PSMD5: variants seen among roughly 807,000 people sequenced by gnomAD.
The protein encoded by PSMD5 is 26S proteasome non-ATPase regulatory subunit 5.
Under a neutral mutation model 52.1 loss-of-function variants are expected in PSMD5, and 40 were observed. The ratio of observed to expected loss-of-function variants is 0.77; its 90% CI spans 0.60 to 1.00. PSMD5 has a LOEUF of 1.00. Ranked by LOEUF, PSMD5 falls within the 50% of genes least tolerant of loss-of-function variation. The probability of loss-of-function intolerance (pLI) is 0.00; values close to 1 mark genes in which losing one functional copy is unlikely to be tolerated. For synonymous variants in PSMD5, 211 were observed against 226.6 expected (o/e 0.93, Z 0.62); for missense variants, 575 against 605.2 (o/e 0.95, Z 0.52).
chr9:120,824,680 C>T lies in PSMD5; in HGVS notation c.820G>A (p.Val274Met), dbSNP rs149552567. ...PFSSFYLPGF[V>M]KFFGNLAVMD... Reference sequence around the variant, plus strand: ...ACAGCCAGGTTTCCAAAAAACTTCACGAATCCTAAAGAGATTTACAAAAAT... The same window carrying T: ...ACAGCCAGGTTTCCAAAAAACTTCATGAATCCTAAAGAGATTTACAAAAAT... The change falls in exon 7 of 10, where the codon GTG (valine) becomes ATG (methionine). Residue 274 changes from valine (V) to methionine (M), a missense_variant. Transcript: ENST00000210313. 1.8e-5 allele frequency: 29 copies of T among 1,597,438 alleles called. No homozygotes were observed. The highest frequency in any genetic ancestry group is 1.6e-4 in the African/African-American group (12 of 73,816).
At chr9:120,834,559 C>A (rs918289528) in intron 1 of PSMD5, among the ~76,000 whole-genome samples, 2 of 152,090 alleles carry the variant, frequency 1.3e-5, no homozygotes, top group Admixed American at 1.3e-4. Context: ...TTTCAAGGAA[C>A]AAGTAGTTTG....
In PSMD5 at chr9:120,816,690, G is replaced by A. The variant is rs576189601; in HGVS notation, c.*1216C>T. On this transcript the variant is annotated 3_prime_UTR_variant, in exon 10 of 10. Coordinates refer to ENST00000210313, the MANE Select transcript of PSMD5 (RefSeq NM_005047.4). ...CATAAACCTCTGAACAGGTGATTTG[G>A]TGTGCAGAGTGCTTTGGCTTTGCTG... is the stretch of plus-strand genomic sequence containing the variant. 2.0e-5 allele frequency: 3 copies of A among 152,228 alleles called. No homozygotes were observed. Among genetic ancestry groups the A allele is most frequent in the Admixed American group, 1.3e-4 (2 of 15,276 alleles). 9.4% of individuals were successfully genotyped at this position (152,228 alleles called of 1,614,324 possible).
chr9:120,842,046 T>C (rs1588074711), intron 1 of PSMD5: 1 of 152,412 alleles, frequency 6.6e-6, no homozygotes, highest in Non-Finnish European at 1.5e-5. Context: ...ACTGCGGACA[T>C]ACCCAGGAAC....
chr9:120,822,909 G>A (rs2045095779), intron 7 of PSMD5, among the ~76,000 whole-genome samples: 1 of 151,854 alleles, frequency 6.6e-6, no homozygotes, highest in African/African-American at 2.4e-5. Context: ...GCTCACTACA[G>A]CCTTCACCTC....
chr9:120,832,370 A>G (rs892130578), intron 2 of PSMD5, among the ~76,000 whole-genome samples: 15 of 149,166 alleles, frequency 1.0e-4, no homozygotes, highest in African/African-American at 1.7e-4. Context: ...GAATAAACTG[A>G]TATCTTCCCC....
At chr9:120,833,246 TCTGTCCCAGTGCAGAAC>T in intron 2 of PSMD5, 49 bp downstream of exon 2, 1 of 1,520,406 alleles carries the variant, frequency 6.6e-7, no homozygotes, top group Non-Finnish European at 9.0e-7. Flanking sequence ...TCTTCATCTT[TCTGTCCCAGTGCAGAAC>T]CTGGCCCAGA....
intron 9 of PSMD5, among the ~76,000 whole-genome samples, chr9:120,819,710 G>A (rs1375544309): frequency 2.6e-5 from 4 of 152,166 alleles, no homozygotes; most frequent in African/African-American, 7.2e-5. Context: ...GGTGGTGGGC[G>A]CCCGTAGGCT....
chr9:120,826,137 G>A lies in PSMD5; in HGVS notation c.814+628C>T, dbSNP rs541652822. On this transcript the variant is annotated intron_variant, in intron 6 of 9. Transcript: ENST00000210313. ...AGCCTCCTGAGTAGCTGGGACTACC[G>A]GCACCCACCACCATGCCCGGCTAAT... 2.6e-5 allele frequency among the ~76,000 whole-genome samples: 4 copies of A among 151,982 alleles called. No homozygotes were observed. In the South Asian group the frequency reaches 6.3e-4, roughly 24 times the overall value.
intron 6 of PSMD5, 93 bp downstream of exon 6, chr9:120,826,671 TC>T: frequency 7.1e-7 from 1 of 1,406,838 alleles, no homozygotes; most frequent in Non-Finnish European, 9.6e-7. Flanking sequence ...AGGAAAACAA[TC>T]CCTGTCCACT....
intron 9 of PSMD5, 78 bp downstream of exon 9, chr9:120,820,761 C>G: frequency 1.4e-6 from 2 of 1,395,018 alleles, no homozygotes; most frequent in Non-Finnish European, 1.9e-6. Context: ...AGAGATGGCA[C>G]AGGCTCTGGC....
chr9:120,835,767 G>A (rs1205915994), intron 1 of PSMD5, among the ~76,000 whole-genome samples: 1 of 151,882 alleles, frequency 6.6e-6, no homozygotes, highest in Admixed American at 6.6e-5. Flanking sequence ...TAGATTCCTG[G>A]TTGCCAGAGG....
chr9:120,821,452 T>G lies in PSMD5; in HGVS notation c.1019A>C (p.Glu340Ala), dbSNP rs546693479. ...ATGTCCTATTCTCATAAGCAAGCGT[T>G]CAAAGCGAGTTCCTTTGAAGGATAA... ...QVLQKTGTRFERLLMRIGHQS... is the reference protein window; with the variant it reads ...QVLQKTGTRFARLLMRIGHQS... Residue 340 changes from glutamate to alanine, a missense_variant, in exon 8 of 10, where the codon GAA becomes GCA. Transcript: ENST00000210313. The G allele has an allele frequency of 2.4e-5, 38 of 1,591,494 alleles. No individual in the cohort carries two copies. The East Asian group carries it at 8.3e-4, about 35-fold the overall frequency.
intron 9 of PSMD5, among the ~76,000 whole-genome samples, chr9:120,819,948 T>C (rs1054649344): frequency 6.6e-6 from 1 of 152,086 alleles, no homozygotes; most frequent in Non-Finnish European, 1.5e-5. Flanking sequence ...TTTTCCTTAT[T>C]CCCTCCCAGT....
intron 1 of PSMD5, among the ~76,000 whole-genome samples, chr9:120,835,838 TA>T (rs201378313): frequency 0.018 from 2,579 of 144,448 alleles, 66 homozygotes; most frequent in African/African-American, 0.055. Flanking sequence ...CTTTTCCTTT[TA>T]AAAAAAAAAT....
intron 4 of PSMD5, among the ~76,000 whole-genome samples, chr9:120,830,564 A>G (rs939051178): frequency 2.6e-5 from 4 of 152,234 alleles, no homozygotes; most frequent in Non-Finnish European, 5.9e-5. Context: ...ACTGAGAGGT[A>G]GAAGGAAAAG....
At chr9:120,838,466 A>T in intron 1 of PSMD5, among the ~76,000 whole-genome samples, 1 of 152,236 alleles carries the variant, frequency 6.6e-6, no homozygotes, top group Non-Finnish European at 1.5e-5. Flanking sequence ...TCAAGATTCT[A>T]ACTTACATCT....
chr9:120,823,466 C>T (rs1044945469), intron 7 of PSMD5, among the ~76,000 whole-genome samples: 1 of 151,016 alleles, frequency 6.6e-6, no homozygotes, highest in African/African-American at 2.4e-5. Context: ...GCTTTGGCCT[C>T]CCAAAATGCT....
intron 7 of PSMD5, among the ~76,000 whole-genome samples, chr9:120,823,558 C>G (rs2045101312): frequency 6.9e-6 from 1 of 144,148 alleles, no homozygotes; most frequent in Non-Finnish European, 1.5e-5. Context: ...GTCACCCAGG[C>G]TGGAGTGTAG....
Position 120,821,336 on chromosome 9 carries a change from T to G in PSMD5, c.1116+19A>C, listed in dbSNP as rs1410762541. 6.9e-7 allele frequency: 1 copy of G among 1,456,792 alleles called. No homozygotes were observed. The highest frequency in any genetic ancestry group is 9.4e-7 in the Non-Finnish European group (1 of 1,061,518). 90.2% of individuals were successfully genotyped at this position (1,456,792 alleles called of 1,614,324 possible). On this transcript the variant is annotated intron_variant, in intron 8 of 9. Transcript: ENST00000210313. ...CCAAACATATCCCACTGTCCTTCAT[T>G]ATTTCCCTACCTACTTACTGGTAAG...
Sources: allele counts gnomAD v4.1 joint callset (sites outside exome capture counted in the v4.1 genomes callset), GRCh38; gene constraint gnomAD v4.1.1; transcripts MANE v1.5; gene names NCBI Gene and HGNC (gene_info 2026-07-23, HGNC 2026-07-21).